RSPH10B: variants seen among roughly 807,000 people sequenced by gnomAD.
RSPH10B encodes radial spoke head 10 homolog B (Chlamydomonas).
Under a neutral mutation model 52.5 loss-of-function variants are expected in RSPH10B, and 7 were observed. The observed-to-expected ratio is 0.13, with a 90% confidence interval of 0.08 to 0.25. The LOEUF is 0.25. Ranked by LOEUF, RSPH10B falls within the 10% of genes least tolerant of loss-of-function variation. The pLI, the probability that RSPH10B is intolerant of heterozygous loss-of-function variation, is 1.00. For missense variants in RSPH10B, 89 were observed against 542.5 expected (o/e 0.16, Z 8.30); for synonymous variants, 28 against 193.2 (o/e 0.14, Z 7.09).
At chr7:5,943,961 A>G (rs771030613) in exon 12 of RSPH10B, 1 of 1,602,314 alleles carries the variant, frequency 6.2e-7, no homozygotes, top group African/African-American at 1.4e-5. Flanking sequence ...CAGTTTTGTA[A>G]AACACAAGAA....
chr7:5,941,549 C>T (rs1562565672), intron 13 of RSPH10B, among the ~76,000 whole-genome samples: 1 of 149,600 alleles, frequency 6.7e-6, no homozygotes, highest in African/African-American at 2.4e-5. Context: ...TTGAGATCAT[C>T]CTTGCTAACA....
chr7:5,928,342 G>T (rs765976674), exon 18 of RSPH10B: 2 of 1,613,208 alleles, frequency 1.2e-6, no homozygotes, highest in South Asian at 2.2e-5. Flanking sequence ...ACATATTATT[G>T]ACCCACGTGT....
At chr7:5,927,045 G>GTGTA (rs71762251) in intron 18 of RSPH10B, among the ~76,000 whole-genome samples, 41,965 of 123,074 alleles carry the variant, frequency 0.34, 3,547 homozygotes, top group East Asian at 0.46. Flanking sequence ...GTGTGTGTGT[G>GTGTA]TATTATGTGT....
chr7:5,956,785 T>C (rs946701199), intron 6 of RSPH10B, among the ~76,000 whole-genome samples: 1 of 116,700 alleles, frequency 8.6e-6, no homozygotes. Context: ...CCCAGGCTGG[T>C]CTCAAACTCC....
At chr7:5,943,361 G>C (rs1348373791) in exon 13 of RSPH10B, 1 of 1,592,328 alleles carries the variant, frequency 6.3e-7, no homozygotes, top group Non-Finnish European at 8.6e-7. Flanking sequence ...CTTCATCGTA[G>C]GCTCGTGGGG....
intron 17 of RSPH10B, among the ~76,000 whole-genome samples, chr7:5,931,631 AGATCCAGGAGTTCTTG>A (rs1450499223): frequency 2.0e-5 from 3 of 151,026 alleles, no homozygotes; most frequent in South Asian, 2.1e-4. Flanking sequence ...CAAGGCGTTC[AGATCCAGGAGTTCTTG>A]GATCCAGGAG....
At chr7:5,941,157 C>T (rs1449232144) in intron 13 of RSPH10B, among the ~76,000 whole-genome samples, 1 of 129,430 alleles carries the variant, frequency 7.7e-6, no homozygotes, top group African/African-American at 2.8e-5. Context: ...GAAAAATTAG[C>T]TGGGTATGTT....
At chr7:5,947,650 G>C (rs1487637332) in intron 10 of RSPH10B, among the ~76,000 whole-genome samples, 1 of 104,742 alleles carries the variant, frequency 9.5e-6, no homozygotes, top group African/African-American at 3.5e-5. Context: ...AGGAGACAGA[G>C]GTTGCGGTGA....
intron 13 of RSPH10B, among the ~76,000 whole-genome samples, chr7:5,942,050 G>T (rs1345352081): frequency 6.7e-6 from 1 of 149,588 alleles, no homozygotes; most frequent in Non-Finnish European, 1.5e-5. Context: ...CGGCCACCAT[G>T]CCTGGCTAAT....
At chr7:5,943,802 C>T (rs1255596772) in intron 12 of RSPH10B, 109 bp downstream of exon 14, 1 of 1,489,264 alleles carries the variant, frequency 6.7e-7, no homozygotes, top group African/African-American at 1.4e-5. Context: ...CTGCCTCGGC[C>T]TCCCAAAGTG....
At chr7:5,965,813 A>AT in intron 1 of RSPH10B, 101 bp from the exon 4 acceptor site, 4 of 210,862 alleles carry the variant, frequency 1.9e-5, no homozygotes, top group Non-Finnish European at 2.3e-5. Context: ...GAATGAAGTC[A>AT]GAAAAAAAAA....
intron 13 of RSPH10B, among the ~76,000 whole-genome samples, chr7:5,939,585 A>AACACACACACACACAC (rs762383240): frequency 2.8e-5 from 1 of 36,226 alleles, no homozygotes; most frequent in African/African-American, 1.6e-4. Context: ...ACCTGTCTCA[A>AACACACACACACACAC]ACACACACAC....
chr7:5,941,148 A>G, intron 13 of RSPH10B, among the ~76,000 whole-genome samples: 1 of 121,954 alleles, frequency 8.2e-6, no homozygotes. Context: ...CAAAAAATAG[A>G]AAAATTAGCT....
At chr7:5,947,859 T>TG in intron 10 of RSPH10B, among the ~76,000 whole-genome samples, 1 of 48,748 alleles carries the variant, frequency 2.1e-5, no homozygotes, top group African/African-American at 8.5e-5. Flanking sequence ...ACCCCTGCCT[T>TG]TTGTGTGTGT....
chr7:5,927,234 C>T (rs1187652559), intron 18 of RSPH10B, among the ~76,000 whole-genome samples: 26 of 119,694 alleles, frequency 2.2e-4, no homozygotes, highest in African/African-American at 8.1e-4. Flanking sequence ...GGACTACAGG[C>T]GCCTGCCACC....
rs1217150876 is a variant in RSPH10B at position 5,927,049 on chromosome 7, TATGTG to T, written c.2433-506_2433-502del. On this transcript the variant is annotated intron_variant, in intron 18 of 18. Coordinates refer to ENST00000337579, the Ensembl canonical transcript of RSPH10B. Reference sequence around the variant, plus strand: ...TGTGTGTGTGTGTGTGTGTGTGTATTATGTGTGTGTGTGTGTGTATATGTGTGTGT... The same window carrying T: ...TGTGTGTGTGTGTGTGTGTGTGTATTTGTGTGTGTGTGTATATGTGTGTGT... Among the ~76,000 whole-genome samples, 8 of 55,988 alleles carry T rather than the reference TATGTG, an allele frequency of 1.4e-4. 1 individual carries two copies. The highest frequency in any genetic ancestry group is 1.4e-3 in the East Asian group (2 of 1,478). 36.7% of individuals were successfully genotyped at this position (55,988 alleles called of 152,430 possible).
chr7:5,926,997 C>G (rs1779464735), intron 18 of RSPH10B, among the ~76,000 whole-genome samples: 1 of 150,326 alleles, frequency 6.7e-6, no homozygotes, highest in East Asian at 1.9e-4. Flanking sequence ...TCAGGTGATC[C>G]ACCCACCTCG....
intron 13 of RSPH10B, among the ~76,000 whole-genome samples, chr7:5,939,585 AACACACACACACACACAC>A (rs762383240): frequency 8.3e-5 from 3 of 36,224 alleles, no homozygotes; most frequent in East Asian, 9.1e-4. Context: ...ACCTGTCTCA[AACACACACACACACACAC>A]ACACACACAC....
In RSPH10B at chr7:5,927,006, C is replaced by T. The variant is rs796520216; in HGVS notation, c.2433-458G>A. On this transcript the variant is annotated intron_variant, in intron 18 of 18. Coordinates refer to ENST00000337579, the Ensembl canonical transcript of RSPH10B. ...CTGACCTCAGGTGATCCACCCACCT[C>T]GGCCTCCCAAAGTTACGTGTGTGTG... 2.4e-3 allele frequency among the ~76,000 whole-genome samples: 360 copies of T among 148,372 alleles called. 1 individual carries two copies. The highest frequency in any genetic ancestry group is 7.0e-3 in the African/African-American group (277 of 39,458).
Sources: allele counts gnomAD v4.1 joint callset (sites outside exome capture counted in the v4.1 genomes callset), GRCh38; gene constraint gnomAD v4.1.1; transcripts MANE v1.5; gene names NCBI Gene and HGNC (gene_info 2026-07-23, HGNC 2026-07-21).